DSC1: variants seen among roughly 807,000 people sequenced by gnomAD.
The protein encoded by DSC1 is desmocollin 1, also known as desmocollin-1.
A neutral mutation model predicts 98.8 loss-of-function variants in DSC1; 79 were observed. The ratio of observed to expected loss-of-function variants is 0.80; its 90% CI spans 0.67 to 0.96. The LOEUF (loss-of-function observed/expected upper bound fraction) is 0.96, where lower values mean the gene tolerates loss of function less well. Ranked by LOEUF, DSC1 falls within the 50% of genes least tolerant of loss-of-function variation. The pLI is 0.00. For missense variants in DSC1, 1,115 were observed against 1,075.9 expected, an observed-to-expected ratio of 1.04 and a Z score of -0.51; for synonymous variants, 405 against 372.1, an observed-to-expected ratio of 1.09 and a Z score of -1.02.
chr18:31,151,650 A>G (rs1989001963), intron 5 of DSC1, among the ~76,000 whole-genome samples: 1 of 152,146 alleles, frequency 6.6e-6, no homozygotes, highest in African/African-American at 2.4e-5. Flanking sequence ...TAGCCCTTTC[A>G]CACTATATAT....
At position 31,130,188 on chromosome 18, in the gene DSC1, A is replaced by G. The variant is rs1182071776; in HGVS notation, c.*326T>C. Reference sequence around the variant, plus strand: ...TCTTTCATTGGCCTCTATAATACCCAGCTTTCCCAAATGCTCTTCCACAGC... The same window carrying G: ...TCTTTCATTGGCCTCTATAATACCCGGCTTTCCCAAATGCTCTTCCACAGC... On this transcript the variant is annotated 3_prime_UTR_variant, in exon 16 of 16. Transcript: ENST00000257198. 4.1e-6 allele frequency: 1 copy of G among 243,580 alleles called. No individual in the cohort carries two copies. The highest frequency in any genetic ancestry group is 7.9e-6 in the Non-Finnish European group (1 of 126,486). The allele number at this position is 243,580 out of a possible 1,614,324, so 15.1% of individuals were successfully genotyped here. A position where few individuals can be genotyped will look rare whatever the true frequency, so the allele number is the denominator to read the frequency against.
At position 31,156,912 on chromosome 18, in the gene DSC1, C is replaced by T. The variant is rs1037267149; in HGVS notation, c.351+459G>A. On this transcript the variant is annotated intron_variant, in intron 3 of 15. Transcript: ENST00000257198. Reference sequence around the variant, plus strand: ...CCACTCTCTGAAGAGAGGGCCTGCCCTATAGAATATTCTAGTAAGATGGGA... The same window carrying T: ...CCACTCTCTGAAGAGAGGGCCTGCCTTATAGAATATTCTAGTAAGATGGGA... Among the ~76,000 whole-genome samples the T allele has an allele frequency of 3.9e-5, 6 of 152,142 alleles. 1 individual carries two copies. The highest frequency in any genetic ancestry group is 5.9e-5 in the Non-Finnish European group (4 of 68,024).
Position 31,157,558 on chromosome 18 carries a change from C to A in DSC1, c.164G>T (p.Cys55Phe). The A allele has an allele frequency of 3.7e-6, 6 of 1,614,152 alleles. No homozygotes were observed. The highest frequency in any genetic ancestry group is 4.2e-6 in the Non-Finnish European group (5 of 1,180,018). The part of the protein sequence containing the change: ...TLVGKVNLEE[C>F]LKSASLIRSS... ...CCGGATTAGGCTGGCCGACTTGAGA[C>A]ACTCCTCCAGATTCACTGCAGGGAA... The change falls in exon 3 of 16, where the codon TGT (cysteine) becomes TTT (phenylalanine). Residue 55 changes from cysteine to phenylalanine, a missense_variant. Physicochemically the swap from Cys to Phe is radical, Grantham distance 205. Transcript: ENST00000257198.
At chr18:31,141,571 T>C (rs2420206) in intron 9 of DSC1, among the ~76,000 whole-genome samples, 27,771 of 152,142 alleles carry the variant, frequency 0.18, 2,761 homozygotes, top group African/African-American at 0.24. Context: ...AATAGTCTCT[T>C]TTACAGAATA....
intron 15 of DSC1, 101 bp from the exon 16 acceptor site, chr18:31,130,812 A>C (rs746321458): frequency 6.2e-7 from 1 of 1,612,634 alleles, no homozygotes; most frequent in Non-Finnish European, 8.5e-7. Flanking sequence ...TTTAATTTTT[A>C]ATCAGAGTGT....
chr18:31,142,780 A>G (rs920320387), intron 8 of DSC1, among the ~76,000 whole-genome samples: 1 of 152,160 alleles, frequency 6.6e-6, no homozygotes, highest in African/African-American at 2.4e-5. Context: ...TAGAGATAGA[A>G]GGTGAATTCA....
At chr18:31,156,265 T>C (rs1989096471) in intron 3 of DSC1, 103 bp from the exon 4 acceptor site, 1 of 1,372,540 alleles carries the variant, frequency 7.3e-7, no homozygotes, top group Non-Finnish European at 9.9e-7. Context: ...GGTTACACAT[T>C]ACAATATCAT....
chr18:31,150,516 A>G (rs977334128), intron 5 of DSC1, among the ~76,000 whole-genome samples: 19 of 151,598 alleles, frequency 1.3e-4, no homozygotes, highest in African/African-American at 4.6e-4. Flanking sequence ...CATCATCACC[A>G]TTATCATTAT....
rs1371993385 is a variant in DSC1, at chr18:31,140,429, G to A, written c.1261-128C>T. On this transcript the variant is annotated intron_variant, in intron 9 of 15. Transcript: ENST00000257198. ...GTAACCTAAAGTTAGGTCTAATACAGTTAAAGACCAACAATTAGCTTCCTA... is the reference window on the plus strand; with the variant it reads ...GTAACCTAAAGTTAGGTCTAATACAATTAAAGACCAACAATTAGCTTCCTA... 3 of 956,042 alleles carry A rather than the reference G, an allele frequency of 3.1e-6. No homozygotes were observed. The African/African-American group carries it at 5.0e-5, about 16-fold the overall frequency. 59.2% of individuals were successfully genotyped at this position (956,042 alleles called of 1,614,324 possible). A position where few individuals can be genotyped will look rare whatever the true frequency, so the allele number is the denominator to read the frequency against.
intron 9 of DSC1, among the ~76,000 whole-genome samples, chr18:31,141,247 C>A (rs1434286493): frequency 2.0e-5 from 3 of 151,392 alleles, no homozygotes; most frequent in Non-Finnish European, 2.9e-5. Context: ...AACCTAAGAA[C>A]AAGAAAAGAA....
intron 5 of DSC1, among the ~76,000 whole-genome samples, chr18:31,152,552 T>C (rs541853226): frequency 6.6e-6 from 1 of 152,352 alleles, no homozygotes; most frequent in Admixed American, 6.5e-5. Context: ...TATTGTTAAA[T>C]CTACCATTAG....
rs765867185 is a variant in DSC1 at position 31,159,487 on chromosome 18, G to T, written c.106C>A (p.Arg36=). The T allele has an allele frequency of 1.2e-6, 2 of 1,605,874 alleles. No homozygotes were observed. Among genetic ancestry groups the T allele is most frequent in the Non-Finnish European group, 8.5e-7 (1 of 1,177,882 alleles). ...LCDACQKVYL[R]VPSHLQAETL... ...TCAGCCTGAAGATGAGAAGGAACTC[G>T]AAGATAAACTTTCTGACAAGCATCG... The change falls in exon 2 of 16, where the codon CGA becomes AGA. Residue 36 remains arginine (R), a synonymous_variant. Transcript: ENST00000257198.
intron 14 of DSC1, 100 bp from the exon 15 acceptor site, chr18:31,131,942 C>G: frequency 7.8e-7 from 1 of 1,281,432 alleles, no homozygotes; most frequent in South Asian, 1.4e-5. Context: ...GCCTGCTGTG[C>G]CTCTCTGTTC....
At chr18:31,132,464 A>C (rs1158701971) in intron 14 of DSC1, 104 bp downstream of exon 14, 21 of 1,473,504 alleles carry the variant, frequency 1.4e-5, no homozygotes, top group Non-Finnish European at 1.9e-5. Flanking sequence ...TTAGCATAGT[A>C]AGTGCTCAAT....
At position 31,143,702 on chromosome 18, in the gene DSC1, T is replaced by C; in HGVS notation, c.1029A>G (p.Ser343=). Reference sequence around the variant, plus strand: ...GTGGATTGTCATTTTCATCCTCAAGTGAAATAGTAATTGTTCCTGTATTAA... The same window carrying C: ...GTGGATTGTCATTTTCATCCTCAAGCGAAATAGTAATTGTTCCTGTATTAA... ...GLFNTGTITI[S]LEDENDNPPS... is the part of the protein sequence containing the mutation. The change falls in exon 8 of 16, where the codon TCA becomes TCG. Residue 343 remains serine, a synonymous_variant. Coordinates refer to ENST00000257198, the MANE Select transcript of DSC1 (RefSeq NM_024421.2). 6.3e-7 allele frequency: 1 copy of C among 1,597,156 alleles called. No individual in the cohort carries two copies. Among genetic ancestry groups the C allele is most frequent in the Non-Finnish European group, 8.5e-7 (1 of 1,170,878 alleles).
At chr18:31,159,285 C>T (rs1165314910) in intron 2 of DSC1, among the ~76,000 whole-genome samples, 160 bp downstream of exon 2, 1 of 149,216 alleles carries the variant, frequency 6.7e-6, no homozygotes, top group Non-Finnish European at 1.5e-5. Context: ...GATCTCCTGA[C>T]CTCATGATCC....
chr18:31,148,468 T>C lies in DSC1; in HGVS notation c.772+30A>G, dbSNP rs780785355. The C allele has an allele frequency of 1.9e-6, 3 of 1,557,308 alleles. No individual in the cohort carries two copies. The South Asian group carries it at 3.6e-5, about 19-fold the overall frequency. Reference sequence around the variant, plus strand: ...ACTTACGAAATGTCAAATAGTCTTCTTGTCATGCTACAATAAAATGTGAAC... The same window carrying C: ...ACTTACGAAATGTCAAATAGTCTTCCTGTCATGCTACAATAAAATGTGAAC... On this transcript the variant is annotated intron_variant, in intron 6 of 15. Transcript: ENST00000257198.
chr18:31,131,969 G>C, intron 14 of DSC1, 127 bp from the exon 15 acceptor site: 7 of 1,105,816 alleles, frequency 6.3e-6, no homozygotes, highest in Non-Finnish European at 7.7e-6. Flanking sequence ...CATAAAATCA[G>C]AATAATAGTA....
Position 31,130,393 on chromosome 18 carries a change from T to C in DSC1, c.*121A>G. 9.9e-7 allele frequency: 1 copy of C among 1,007,442 alleles called. No homozygotes were observed. Among genetic ancestry groups the C allele is most frequent in the Non-Finnish European group, 1.5e-6 (1 of 671,436 alleles). 62.4% of individuals were successfully genotyped at this position (1,007,442 alleles called of 1,614,324 possible). A position where few individuals can be genotyped will look rare whatever the true frequency, so the allele number is the denominator to read the frequency against. On this transcript the variant is annotated 3_prime_UTR_variant, in exon 16 of 16. Transcript: ENST00000257198. ...GGGGAATCTCATATTTATAGTACCC[T>C]TACCTATACATGACAAAGTTTACCT...
Sources: gnomAD v4.1 joint callset for allele counts (sites outside exome capture counted in the v4.1 genomes callset) on GRCh38, gnomAD v4.1.1 for gene constraint, MANE v1.5 for transcripts, NCBI Gene and HGNC (gene_info 2026-07-23, HGNC 2026-07-21) for gene names.